CPLANE1: variants seen among roughly 807,000 people sequenced by gnomAD.
CPLANE1 encodes ciliogenesis and planar polarity effector complex subunit 1.
A neutral mutation model predicts 362.5 loss-of-function variants in CPLANE1; 263 were observed. The observed-to-expected ratio is 0.73, with a 90% CI of 0.66 to 0.80. The LOEUF is 0.80. Ranked by LOEUF, CPLANE1 falls within the 30% of genes least tolerant of loss-of-function variation. CPLANE1 has a pLI of 0.00. For synonymous variants in CPLANE1, 1,212 were observed against 1,302.6 expected (o/e 0.93, Z 1.50); for missense variants, 3,461 against 3,793.4 (o/e 0.91, Z 2.30).
At position 37,153,973 on chromosome 5, in the gene CPLANE1, G is replaced by C; in HGVS notation, c.8140C>G (p.Arg2714Gly). Residue 2714 changes from arginine (R) to glycine (G), a missense_variant, in exon 42 of 53, where the codon CGA (arginine) becomes GGA (glycine). Coordinates refer to ENST00000651892, the MANE Select transcript of CPLANE1 (RefSeq NM_001384732.1). ...QNKGLPKPEF[R>G]FKGQSTKSDS... ...GACTTTGTGCTCTGTCCTTTGAATC[G>C]GAACTCTGGTTTTGGCAGACCTAAA... The C allele has an allele frequency of 6.2e-7, 1 of 1,610,206 alleles. No individual in the cohort carries two copies. The highest frequency in any genetic ancestry group is 8.5e-7 in the Non-Finnish European group (1 of 1,177,454).
chr5:37,130,607 C>G (rs947164195), intron 46 of CPLANE1: 1 of 158,268 alleles, frequency 6.3e-6, no homozygotes, highest in Non-Finnish European at 1.4e-5. Context: ...ACAAAAGGAA[C>G]TAAACTTCTC....
At chr5:37,164,965 G>T (rs1307675359) in intron 36 of CPLANE1, among the ~76,000 whole-genome samples, 1 of 152,014 alleles carries the variant, frequency 6.6e-6, no homozygotes, top group Non-Finnish European at 1.5e-5. Flanking sequence ...AATTAGCTGG[G>T]CATGGTGGCA....
the CPLANE1 span, among the ~76,000 whole-genome samples, chr5:37,076,148 C>T: frequency 6.6e-6 from 1 of 151,468 alleles, no homozygotes; most frequent in Non-Finnish European, 1.5e-5. Flanking sequence ...CCCAGCTACT[C>T]AGGAGGCCAA....
chr5:37,153,360 C>T (rs1774111111), intron 42 of CPLANE1, among the ~76,000 whole-genome samples: 1 of 152,122 alleles, frequency 6.6e-6, no homozygotes, highest in African/African-American at 2.4e-5. Flanking sequence ...TTTTCCAACT[C>T]ATTTTATGAT....
In CPLANE1 at chr5:37,226,971, C is replaced by T. The variant is rs1250993026; in HGVS notation, c.1624G>A (p.Gly542Arg). The T allele has an allele frequency of 1.3e-6, 2 of 1,551,836 alleles. No individual in the cohort carries two copies. The highest frequency in any genetic ancestry group is 1.7e-6 in the Non-Finnish European group (2 of 1,146,976). ...AACATAGATGCAAATTCCAATCTTC[C>T]TTCCTTCATACTACTACACAGCACA... ...DDVLCSSMKE[G>R]RLEFASMFDT... The change falls in exon 12 of 53, where the codon GGA (glycine) becomes AGA (arginine). Residue 542 changes from glycine (G) to arginine (R), a missense_variant. Physicochemically the swap from Gly to Arg is moderately radical, Grantham distance 125 (BLOSUM62 -2). Around this residue, in one of 2 missense-constraint regions of CPLANE1, gnomAD observed 3,380 missense variants for 3,666.1 expected, o/e 0.92. Coordinates refer to ENST00000651892, the MANE Select transcript of CPLANE1 (RefSeq NM_001384732.1).
At chr5:37,217,822 G>GA (rs932463388) in intron 15 of CPLANE1, among the ~76,000 whole-genome samples, 24 of 149,796 alleles carry the variant, frequency 1.6e-4, no homozygotes, top group African/African-American at 4.9e-4. Context: ...ACTAAAAATA[G>GA]AAAAAAAATT....
chr5:37,169,281 T>G lies in CPLANE1; in HGVS notation c.6743A>C (p.Gln2248Pro). The G allele has an allele frequency of 1.2e-6, 2 of 1,614,206 alleles. No homozygotes were observed. Among genetic ancestry groups the G allele is most frequent in the Non-Finnish European group, 1.7e-6 (2 of 1,180,044 alleles). ...TTGTGGCAAAGGCCTGAAGGGAACT[T>G]GTGGAATACTTCCTGTATGTAAGAA... ...PLFLHTGSIP[Q>P]VPFRPLPQPR... Residue 2248 changes from glutamine (Q) to proline (P), a missense_variant, in exon 34 of 53, where the codon CAA becomes CCA. Physicochemically the swap from Gln to Pro is moderately conservative, Grantham distance 76 (BLOSUM62 -1). Around this residue, in one of 2 missense-constraint regions of CPLANE1, gnomAD observed 3,380 missense variants for 3,666.1 expected, o/e 0.92. Coordinates refer to ENST00000651892, the MANE Select transcript of CPLANE1 (RefSeq NM_001384732.1).
intron 44 of CPLANE1, chr5:37,140,784 T>C: frequency 3.0e-6 from 3 of 985,412 alleles, no homozygotes; most frequent in Non-Finnish European, 3.6e-6. Context: ...CCAGGATCAC[T>C]AACCCACGGC....
At chr5:37,126,671 T>C (rs1764207512) in intron 46 of CPLANE1, among the ~76,000 whole-genome samples, 2 of 152,130 alleles carry the variant, frequency 1.3e-5, no homozygotes, top group African/African-American at 4.8e-5. Context: ...ACACATGCAG[T>C]AGGAGTGGTC....
intron 23 of CPLANE1, among the ~76,000 whole-genome samples, chr5:37,186,714 T>C (rs1330653376): frequency 2.0e-5 from 3 of 152,192 alleles, no homozygotes; most frequent in Non-Finnish European, 2.9e-5. Context: ...ACATTTACCA[T>C]TGTAATATCC....
At chr5:37,143,606 T>C (rs1770479225) in intron 43 of CPLANE1, among the ~76,000 whole-genome samples, 1 of 152,040 alleles carries the variant, frequency 6.6e-6, no homozygotes, top group African/African-American at 2.4e-5. Flanking sequence ...AGTGAACCAC[T>C]GATAAAGGGA....
intron 51 of CPLANE1, among the ~76,000 whole-genome samples, chr5:37,113,106 T>C (rs1489866158): frequency 6.6e-6 from 1 of 152,180 alleles, no homozygotes; most frequent in African/African-American, 2.4e-5. Flanking sequence ...GGAAAGTCTT[T>C]GAAAGAGAGA....
intron 37 of CPLANE1, among the ~76,000 whole-genome samples, chr5:37,163,425 G>A (rs766691037): frequency 2.0e-5 from 3 of 152,084 alleles, no homozygotes; most frequent in Non-Finnish European, 4.4e-5. Flanking sequence ...TTCACATGGT[G>A]TACCTGAGGT....
At chr5:37,167,348 T>C (rs910093789) in intron 34 of CPLANE1, 135 bp from the exon 35 acceptor site, 3 of 719,038 alleles carry the variant, frequency 4.2e-6, no homozygotes, top group East Asian at 5.6e-5. Context: ...ATATAACAAA[T>C]TGATTTAAAC....
chr5:37,184,775 A>G lies in CPLANE1; in HGVS notation c.4481+13T>C. On this transcript the variant is annotated intron_variant, in intron 25 of 52. Transcript: ENST00000651892. The stretch of plus-strand genomic sequence containing the variant: ...GGAAGTGAATGCCAGTGATTAAAAG[A>G]TCTCAATTGTACCTTTGATAGATAT... The G allele has an allele frequency of 6.3e-7, 1 of 1,595,122 alleles. No individual in the cohort carries two copies. Among genetic ancestry groups the G allele is most frequent in the Non-Finnish European group, 8.5e-7 (1 of 1,171,134 alleles).
At chr5:37,148,825 CAG>C (rs1243644606) in intron 42 of CPLANE1, among the ~76,000 whole-genome samples, 16 of 152,142 alleles carry the variant, frequency 1.1e-4, no homozygotes, top group African/African-American at 3.4e-4. Flanking sequence ...GTGAAGCAAG[CAG>C]ATCACTTGAG....
intron 9 of CPLANE1, 46 bp from the exon 10 acceptor site, chr5:37,227,863 T>G: frequency 6.8e-7 from 1 of 1,479,428 alleles, no homozygotes; most frequent in Non-Finnish European, 9.0e-7. Context: ...GAGAAAGATC[T>G]TACGGAAAAC....
chr5:37,139,348 C>T lies in CPLANE1; in HGVS notation c.8655G>A (p.Leu2885=), dbSNP rs139793397. 2 of 1,265,600 alleles carry T rather than the reference C, an allele frequency of 1.6e-6. No individual in the cohort carries two copies. Among genetic ancestry groups the T allele is most frequent in the East Asian group, 2.6e-5 (1 of 38,650 alleles). The allele number at this position is 1,265,600 out of a possible 1,614,324, so 78.4% of individuals were successfully genotyped here. A position where few individuals can be genotyped will look rare whatever the true frequency, so the allele number is the denominator to read the frequency against. The part of the protein sequence containing the change: ...TSPGMNSSDE[L]CESVSVHPLQ... The stretch of plus-strand genomic sequence containing the variant: ...ACTCTTAAGATATTTACCTCTCACA[C>T]AATTCATCACTGCTATTCATACCTA... The change falls in exon 45 of 53, where the codon TTG becomes TTA. Residue 2885 remains leucine, a synonymous_variant. Coordinates refer to ENST00000651892, the MANE Select transcript of CPLANE1 (RefSeq NM_001384732.1).
chr5:37,094,003 G>A, the CPLANE1 span, among the ~76,000 whole-genome samples: 1 of 109,150 alleles, frequency 9.2e-6, no homozygotes, highest in East Asian at 2.3e-4. Flanking sequence ...ATAGCGCTGG[G>A]AGGGGTGGAG....
Sources: allele counts gnomAD v4.1 joint callset (sites outside exome capture counted in the v4.1 genomes callset), GRCh38; gene constraint gnomAD v4.1.1; regional missense constraint gnomAD v4.1.1; transcripts MANE v1.5; gene names NCBI Gene and HGNC (gene_info 2026-07-23, HGNC 2026-07-21).